PCDHGB4: variants seen among roughly 807,000 people sequenced by gnomAD.
The protein encoded by PCDHGB4 is protocadherin gamma subfamily B, 4.
In PCDHGB4, 38 loss-of-function variants were observed where a neutral mutation model predicts 60.5. The ratio of observed to expected loss-of-function variants is 0.63; its 90% CI spans 0.48 to 0.82. The LOEUF (loss-of-function observed/expected upper bound fraction) is 0.82, where lower values mean the gene tolerates loss of function less well. Among genes scored for constraint, PCDHGB4 ranks in the 40% least tolerant of loss-of-function variants. PCDHGB4 has a pLI of 0.00. For synonymous variants in PCDHGB4, 456 were observed against 509.7 expected, an observed-to-expected ratio of 0.89 and a Z score of 1.42; for missense variants, 1,109 against 1,209.6, an observed-to-expected ratio of 0.92 and a Z score of 1.23.
intron 1 of PCDHGB4, chr5:141,400,051 G>A (rs1253013919): frequency 6.2e-7 from 1 of 1,613,762 alleles, no homozygotes; most frequent in East Asian, 2.2e-5. Flanking sequence ...GCTGGTTGCT[G>A]TGCGTGATGG....
At chr5:141,501,238 G>A (rs1482962385) in intron 2 of PCDHGB4, among the ~76,000 whole-genome samples, 2 of 151,018 alleles carry the variant, frequency 1.3e-5, no homozygotes, top group African/African-American at 4.9e-5. Flanking sequence ...AGTTTTTTGA[G>A]CATGATGTAG....
At chr5:141,409,378 C>G (rs780715519) in intron 1 of PCDHGB4, 3 of 1,613,996 alleles carry the variant, frequency 1.9e-6, no homozygotes, top group Non-Finnish European at 2.5e-6. Context: ...ACATTCCATT[C>G]AAGATTTATT....
intron 1 of PCDHGB4, among the ~76,000 whole-genome samples, chr5:141,438,596 A>G (rs1303292978): frequency 2.8e-5 from 1 of 35,176 alleles, no homozygotes; most frequent in Non-Finnish European, 6.2e-5. Context: ...ACATACATAT[A>G]TATATATATA....
chr5:141,476,040 G>T lies in PCDHGB4; in HGVS notation c.2398-18767G>T. On this transcript the variant is annotated intron_variant, in intron 1 of 3. Coordinates refer to ENST00000519479, the MANE Select transcript of PCDHGB4 (RefSeq NM_003736.4). This position sits in a 1 kb window ranked among gnomAD's most constrained non-coding sequence, Gnocchi z 7.6. ...CGGACTCGGCGCCCAGCGCCCAAGC[G>T]CTAACCCGCTGAAAGTTTCTCAGCG... is the stretch of plus-strand genomic sequence containing the variant. 1 of 1,488,704 alleles carries T rather than the reference G, an allele frequency of 6.7e-7. No homozygotes were observed. 92.2% of individuals were successfully genotyped at this position (1,488,704 alleles called of 1,614,324 possible).
chr5:141,497,796 TC>T (rs1251163385), intron 2 of PCDHGB4, among the ~76,000 whole-genome samples: 2 of 152,160 alleles, frequency 1.3e-5, no homozygotes, highest in African/African-American at 2.4e-5. Context: ...TGCTTCAGCT[TC>T]CCAAAGTGCT....
chr5:141,486,100 C>G lies in PCDHGB4; in HGVS notation c.2398-8707C>G. Reference sequence around the variant, plus strand: ...AGCTTACTCTTTTGGGGCCCCTAGACTTTGAGAGTGAGAATTACTATGAAT... The same window carrying G: ...AGCTTACTCTTTTGGGGCCCCTAGAGTTTGAGAGTGAGAATTACTATGAAT... On this transcript the variant is annotated intron_variant, in intron 1 of 3. Transcript: ENST00000519479. This position sits in a 1 kb window ranked among gnomAD's most constrained non-coding sequence, Gnocchi z 5.0. 1 of 1,614,190 alleles carries G rather than the reference C, an allele frequency of 6.2e-7. No individual in the cohort carries two copies. The highest frequency in any genetic ancestry group is 1.1e-5 in the South Asian group (1 of 91,086).
At chr5:141,459,930 T>C (rs1385764489) in intron 1 of PCDHGB4, among the ~76,000 whole-genome samples, 1 of 152,176 alleles carries the variant, frequency 6.6e-6, no homozygotes, top group East Asian at 1.9e-4. Context: ...TATATCCTTG[T>C]AGCTGGGCGT....
Position 141,485,752 on chromosome 5 carries a change from G to A in PCDHGB4, c.2398-9055G>A. 1 of 1,614,232 alleles carries A rather than the reference G, an allele frequency of 6.2e-7. No individual in the cohort carries two copies. Among genetic ancestry groups the A allele is most frequent in the Middle Eastern group, 1.6e-4 (1 of 6,062 alleles). ...GCAGCGACGGCAGCCTGGTCCCAGA[G>A]CTGCTCCTGGAGAAGCCTTTGGATC... On this transcript the variant is annotated intron_variant, in intron 1 of 3. Coordinates refer to ENST00000519479, the MANE Select transcript of PCDHGB4 (RefSeq NM_003736.4). This position sits in a 1 kb window ranked among gnomAD's most constrained non-coding sequence, Gnocchi z 5.7.
chr5:141,399,287 C>G (rs1393904771), intron 1 of PCDHGB4: 1 of 1,613,912 alleles, frequency 6.2e-7, no homozygotes, highest in Non-Finnish European at 8.5e-7. Context: ...GGCGAAGTCC[C>G]TTTTAAGATT....
At chr5:141,442,053 G>A (rs888378256) in intron 1 of PCDHGB4, 3 of 197,472 alleles carry the variant, frequency 1.5e-5, no homozygotes, top group Non-Finnish European at 3.2e-5. Flanking sequence ...ACTGGTCGCG[G>A]TGCACTGCGG....
chr5:141,460,537 C>T (rs2098991642), intron 1 of PCDHGB4, among the ~76,000 whole-genome samples: 1 of 152,062 alleles, frequency 6.6e-6, no homozygotes, highest in African/African-American at 2.4e-5. Context: ...ATAATCTTAG[C>T]ACCTTAATCA....
intron 1 of PCDHGB4, chr5:141,394,655 G>A (rs780779279): frequency 2.7e-5 from 43 of 1,613,284 alleles, no homozygotes; most frequent in Admixed American, 5.0e-5. Flanking sequence ...CCAGCGAGCC[G>A]GGACTCTTCT....
At position 141,399,943 on chromosome 5, in the gene PCDHGB4, C is replaced by A. The variant is rs1334013330; in HGVS notation, c.2397+9662C>A. On this transcript the variant is annotated intron_variant, in intron 1 of 3. Coordinates refer to ENST00000519479, the MANE Select transcript of PCDHGB4 (RefSeq NM_003736.4). Reference sequence around the variant, plus strand: ...CGCCTGGCTGTCCTACCACGTGCTGCAGGCTAGCGAGCCCGGGCTCTTCAG... The same window carrying A: ...CGCCTGGCTGTCCTACCACGTGCTGAAGGCTAGCGAGCCCGGGCTCTTCAG... The A allele has an allele frequency of 3.7e-6, 6 of 1,612,294 alleles. 1 individual carries two copies. The Admixed American group carries it at 1.0e-4, about 27-fold the overall frequency.
Position 141,388,664 on chromosome 5 carries a change from G to A in PCDHGB4, c.780G>A (p.Thr260=). Residue 260 remains threonine (T), a synonymous_variant, in exon 1 of 4, where the codon ACG becomes ACA. Coordinates refer to ENST00000519479, the MANE Select transcript of PCDHGB4 (RefSeq NM_003736.4). Reference sequence around the variant, plus strand: ...CAGAAAACGTGTACCCGGGGACCACGGTGCTACAGGTGACTGCCACGGACC... The same window carrying A: ...CAGAAAACGTGTACCCGGGGACCACAGTGCTACAGGTGACTGCCACGGACC... The part of the protein sequence containing the change: ...SLSENVYPGT[T]VLQVTATDQD... 1.2e-6 allele frequency: 2 copies of A among 1,613,908 alleles called. No individual in the cohort carries two copies. The highest frequency in any genetic ancestry group is 2.2e-5 in the South Asian group (2 of 91,080).
At chr5:141,413,722 T>TCC (rs1330658153) in intron 1 of PCDHGB4, 1 of 1,613,450 alleles carries the variant, frequency 6.2e-7, no homozygotes. Context: ...TAAGCACTTC[T>TCC]CCCTAAGAGT....
At chr5:141,462,990 A>G (rs181384059) in intron 1 of PCDHGB4, among the ~76,000 whole-genome samples, 1 of 152,126 alleles carries the variant, frequency 6.6e-6, no homozygotes, top group Non-Finnish European at 1.5e-5. Flanking sequence ...GCCTTGGGCT[A>G]ATTTAGACCT....
intron 1 of PCDHGB4, chr5:141,410,199 A>G: frequency 6.2e-7 from 1 of 1,613,998 alleles, no homozygotes; most frequent in South Asian, 1.1e-5. Flanking sequence ...GTCTTCGCAG[A>G]CAACTTGCAA....
intron 1 of PCDHGB4, chr5:141,399,529 G>A (rs946281582): frequency 3.1e-6 from 5 of 1,613,892 alleles, no homozygotes; most frequent in Non-Finnish European, 4.2e-6. Flanking sequence ...GGCCTCCATC[G>A]CGCAAGTCTG....
chr5:141,420,364 A>G (rs942479456), intron 1 of PCDHGB4: 8 of 1,368,440 alleles, frequency 5.8e-6, no homozygotes, highest in African/African-American at 3.0e-5. Flanking sequence ...ATTCTAGATA[A>G]CTTCTTCATA....
Sources: allele counts gnomAD v4.1 joint callset (sites outside exome capture counted in the v4.1 genomes callset), GRCh38; gene constraint gnomAD v4.1.1; non-coding constraint Gnocchi (gnomAD v3.1); transcripts MANE v1.5; gene names NCBI Gene and HGNC (gene_info 2026-07-23, HGNC 2026-07-21).